Variants in DAB1 observed in about 807,000 individuals in gnomAD.
The protein encoded by DAB1 is disabled homolog 1.
DAB1 carries 15 observed loss-of-function variants against 64.6 expected under a neutral mutation model. The observed-to-expected ratio is 0.23, with a 90% CI of 0.16 to 0.36. The LOEUF (loss-of-function observed/expected upper bound fraction) is 0.36. Among genes scored for constraint, DAB1 ranks in the 10% least tolerant of loss-of-function variants. The pLI is 1.00. For synonymous variants in DAB1, 235 were observed against 251.9 expected, an observed-to-expected ratio of 0.93 and a Z score of 0.64; for missense variants, 596 against 706.7, an observed-to-expected ratio of 0.84 and a Z score of 1.78.
intron 5 of DAB1, among the ~76,000 whole-genome samples, chr1:58,135,157 G>C (rs1653870739): frequency 6.6e-6 from 1 of 152,220 alleles, no homozygotes; most frequent in Admixed American, 6.5e-5. Context: ...ATGTGAGACA[G>C]CTCTGAAAAC....
chr1:58,404,248 G>T (rs1644596631), intron 3 of DAB1, among the ~76,000 whole-genome samples: 2 of 152,202 alleles, frequency 1.3e-5, no homozygotes, highest in South Asian at 4.1e-4. Context: ...GAGTCTAAGA[G>T]CCTCTTAGGT....
At chr1:58,448,973 A>G (rs1459405959) in intron 3 of DAB1, among the ~76,000 whole-genome samples, 1 of 152,244 alleles carries the variant, frequency 6.6e-6, no homozygotes, top group Non-Finnish European at 1.5e-5. Context: ...GGAAGAAATA[A>G]TCATTGAGGT....
At chr1:58,164,504 C>A (rs1210795723) in intron 4 of DAB1, among the ~76,000 whole-genome samples, 1 of 152,170 alleles carries the variant, frequency 6.6e-6, no homozygotes, top group Non-Finnish European at 1.5e-5. Flanking sequence ...CTTTTCCAGT[C>A]GGCTCTGATT....
At chr1:57,844,334 T>A (rs1653183323) in intron 1 of DAB1, among the ~76,000 whole-genome samples, 1 of 152,236 alleles carries the variant, frequency 6.6e-6, no homozygotes, top group African/African-American at 2.4e-5. Flanking sequence ...TAAAGTATGA[T>A]GTATAGTAAA....
At position 57,862,169 on chromosome 1, in the gene DAB1, C is replaced by T. The variant is rs562713169; in HGVS notation, n.87+21830G>A. 1.2e-4 allele frequency among the ~76,000 whole-genome samples: 18 copies of T among 152,266 alleles called. No homozygotes were observed. The South Asian group carries it at 2.7e-3, about 23-fold the overall frequency. ...CTGAAATCTTACTATATGCTAAGCA[C>T]GGGTCTGGGTAATTTATTCACTATT... On this transcript the variant is annotated intron_variant and non_coding_transcript_variant, in intron 1 of 1. Transcript: ENST00000477280.
chr1:58,054,966 G>T (rs1471503892), intron 5 of DAB1, among the ~76,000 whole-genome samples: 1 of 152,236 alleles, frequency 6.6e-6, no homozygotes, highest in East Asian at 1.9e-4. Context: ...GCAGCAGGTG[G>T]CCTGAGGCAA....
At chr1:58,397,777 C>T (rs1473860964) in intron 3 of DAB1, among the ~76,000 whole-genome samples, 2 of 152,178 alleles carry the variant, frequency 1.3e-5, no homozygotes, top group African/African-American at 4.8e-5. Flanking sequence ...GTATTCACCA[C>T]GTCCTGTGGA....
intron 5 of DAB1, among the ~76,000 whole-genome samples, chr1:58,149,747 C>A (rs1274534818): frequency 6.6e-6 from 1 of 152,206 alleles, no homozygotes; most frequent in Non-Finnish European, 1.5e-5. Context: ...ACAAAGCCTT[C>A]TTCTCTGCTC....
intron 3 of DAB1, among the ~76,000 whole-genome samples, chr1:58,361,306 A>T (rs566983412): frequency 2.6e-5 from 4 of 152,310 alleles, no homozygotes; most frequent in African/African-American, 9.6e-5. Context: ...ATTCACCCCA[A>T]CAAACGAGGT....
intron 1 of DAB1, among the ~76,000 whole-genome samples, chr1:58,535,580 A>G (rs979757852): frequency 5.8e-5 from 8 of 138,706 alleles, no homozygotes; most frequent in Admixed American, 7.7e-5. Context: ...TGGGTGACAG[A>G]GCAAGTCTCT....
At chr1:58,131,261 G>T (rs1295665982) in intron 5 of DAB1, among the ~76,000 whole-genome samples, 2 of 141,798 alleles carry the variant, frequency 1.4e-5, no homozygotes, top group South Asian at 2.5e-4. Flanking sequence ...GGCTCCTGAG[G>T]CTTCTGCATT....
rs201448463 is a variant in DAB1 at position 58,353,688 on chromosome 1, C to T, written n.258-10285G>A. Reference sequence around the variant, plus strand: ...AATAGAATGAAAAGCAGGAAAATGCCAACAATTCTGCATTCTTCTTTATTC... The same window carrying T: ...AATAGAATGAAAAGCAGGAAAATGCTAACAATTCTGCATTCTTCTTTATTC... On this transcript the variant is annotated intron_variant and non_coding_transcript_variant, in intron 3 of 20. Transcript: ENST00000485760. 3.9e-5 allele frequency among the ~76,000 whole-genome samples: 6 copies of T among 152,092 alleles called. No individual in the cohort carries two copies. In the East Asian group the frequency reaches 7.7e-4, roughly 20 times the overall value.
chr1:58,075,543 T>C (rs1649584465), intron 5 of DAB1, among the ~76,000 whole-genome samples: 1 of 152,242 alleles, frequency 6.6e-6, no homozygotes, highest in Non-Finnish European at 1.5e-5. Flanking sequence ...TATGTTGGCC[T>C]ATAGAAGGAG....
intron 4 of DAB1, among the ~76,000 whole-genome samples, chr1:58,314,117 A>C (rs1331263286): frequency 2.0e-5 from 3 of 152,094 alleles, no homozygotes; most frequent in Non-Finnish European, 4.4e-5. Flanking sequence ...ATCTCACTCC[A>C]TGGACCTGAC....
At chr1:57,828,801 GTAAATCA>G (rs1194795744) in intron 1 of DAB1, among the ~76,000 whole-genome samples, 1 of 152,228 alleles carries the variant, frequency 6.6e-6, no homozygotes, top group African/African-American at 2.4e-5. Flanking sequence ...ATCAGAAGTT[GTAAATCA>G]TAAGTTTTTA....
intron 7 of DAB1, among the ~76,000 whole-genome samples, chr1:57,497,196 C>T (rs2101300655): frequency 6.6e-6 from 1 of 152,366 alleles, no homozygotes; most frequent in East Asian, 1.9e-4. Flanking sequence ...TACTGTCTAA[C>T]ATTCTCAATC....
intron 1 of DAB1, among the ~76,000 whole-genome samples, chr1:57,330,056 G>T (rs1176952502): frequency 6.6e-6 from 1 of 152,124 alleles, no homozygotes; most frequent in African/African-American, 2.4e-5. Flanking sequence ...AGAGGGGTTA[G>T]CAGGGCAATA....
At chr1:58,390,973 A>G (rs1644470857) in intron 3 of DAB1, among the ~76,000 whole-genome samples, 1 of 152,216 alleles carries the variant, frequency 6.6e-6, no homozygotes, top group South Asian at 2.1e-4. Flanking sequence ...CATATGTTAT[A>G]ATAACGCATT....
At chr1:57,934,985 G>A (rs1418665467) in intron 5 of DAB1, among the ~76,000 whole-genome samples, 2 of 152,180 alleles carry the variant, frequency 1.3e-5, no homozygotes, top group Non-Finnish European at 2.9e-5. Context: ...GGCTGTTTCA[G>A]TTTCACTCAC....
Sources: allele counts gnomAD v4.1 joint callset (sites outside exome capture counted in the v4.1 genomes callset), GRCh38; gene constraint gnomAD v4.1.1; transcripts MANE v1.5; gene names NCBI Gene and HGNC (gene_info 2026-07-23, HGNC 2026-07-21).